The following ME2 variants were observed in gnomAD, a reference collection of about 807,000 sequenced individuals.
ME2 encodes malic enzyme 2, also known as NAD-dependent malic enzyme, mitochondrial.
In ME2, 60 loss-of-function variants were observed where a neutral mutation model predicts 73.7. The observed-to-expected ratio is 0.81, with a 90% CI of 0.66 to 1.01. The LOEUF (loss-of-function observed/expected upper bound fraction) is 1.01, where lower values mean the gene tolerates loss of function less well. Ranked by LOEUF, ME2 falls within the 50% of genes least tolerant of loss-of-function variation. The pLI, the probability that ME2 is intolerant of heterozygous loss-of-function variation, is 0.00. For missense variants in ME2, 594 were observed against 705.5 expected (o/e 0.84, Z 1.79); for synonymous variants, 199 against 236.9 (o/e 0.84, Z 1.47).
intron 13 of ME2, among the ~76,000 whole-genome samples, chr18:50,938,538 C>A (rs1296155305): frequency 6.6e-6 from 1 of 152,106 alleles, no homozygotes; most frequent in African/African-American, 2.4e-5. Flanking sequence ...AAGAAGTAAA[C>A]AAACACATTT....
intron 12 of ME2, among the ~76,000 whole-genome samples, chr18:50,930,006 A>G (rs1487964318): frequency 6.6e-6 from 1 of 152,204 alleles, no homozygotes; most frequent in Admixed American, 6.5e-5. Context: ...CTAGTTTGAT[A>G]TACTATATTT....
chr18:50,940,478 AGAAGGCT>A (rs1917921630), intron 15 of ME2, 92 bp downstream of exon 15: 2 of 878,960 alleles, frequency 2.3e-6, no homozygotes, highest in Non-Finnish European at 3.5e-6. Flanking sequence ...TGAAACATTT[AGAAGGCT>A]GCAAAGAAGA....
chr18:50,921,184 T>G lies in ME2; in HGVS notation c.1053T>G (p.Val351=), dbSNP rs749532844. The G allele has an allele frequency of 1.2e-5, 18 of 1,481,320 alleles. No homozygotes were observed. In the African/African-American group the frequency reaches 2.1e-4, roughly 18 times the overall value. The allele number at this position is 1,481,320 out of a possible 1,614,324, so 91.8% of individuals were successfully genotyped here. The change falls in exon 10 of 16, where the codon GTT becomes GTG. Residue 351 remains valine (V), a synonymous_variant. Coordinates refer to ENST00000321341, the MANE Select transcript of ME2 (RefSeq NM_002396.5). The stretch of plus-strand genomic sequence containing the variant: ...TGTTTGACAAGTATGGTTTATTAGT[T>G]AAGGTAAGGTATTTAAAATTTGGAG... ...IWMFDKYGLL[V]KGRKAKIDSY...
intron 7 of ME2, among the ~76,000 whole-genome samples, chr18:50,919,379 T>C (rs763635307): frequency 2.0e-5 from 3 of 152,216 alleles, no homozygotes; most frequent in Non-Finnish European, 4.4e-5. Flanking sequence ...ATTTAAACAT[T>C]AATTCCTTTT....
intron 1 of ME2, among the ~76,000 whole-genome samples, chr18:50,890,114 A>G (rs2144187276): frequency 6.6e-6 from 1 of 152,294 alleles, no homozygotes; most frequent in African/African-American, 2.4e-5. Flanking sequence ...CATTTTCCAA[A>G]AAAAAATCAA....
chr18:50,938,002 A>T (rs535717202), intron 13 of ME2, among the ~76,000 whole-genome samples: 14 of 152,294 alleles, frequency 9.2e-5, no homozygotes, highest in African/African-American at 2.9e-4. Context: ...ATCAAGGCAC[A>T]GTGTTATGAA....
intron 5 of ME2, 121 bp from the exon 6 acceptor site, chr18:50,917,226 A>T: frequency 1.3e-6 from 1 of 759,898 alleles, no homozygotes; most frequent in Non-Finnish European, 2.0e-6. Flanking sequence ...TTAGCCAAGA[A>T]ACAATTTTAT....
rs1918108374 is a variant in ME2, at chr18:50,947,283, G to T, written c.*99G>T. ...AGTTTTATGGTGTTTTCTGTGTTTT[G>T]TTCTCCCTGACCACTTTGGTTGATG... On this transcript the variant is annotated 3_prime_UTR_variant, in exon 16 of 16. Transcript: ENST00000321341. The T allele has an allele frequency of 7.8e-7, 1 of 1,279,236 alleles. No individual in the cohort carries two copies. The highest frequency in any genetic ancestry group is 1.1e-6 in the Non-Finnish European group (1 of 917,810). The allele number at this position is 1,279,236 out of a possible 1,614,324, so 79.2% of individuals were successfully genotyped here.
chr18:50,912,314 TATA>T (rs1353525165), intron 3 of ME2, among the ~76,000 whole-genome samples: 1 of 152,212 alleles, frequency 6.6e-6, no homozygotes, highest in Non-Finnish European at 1.5e-5. Context: ...GTGTAGACCT[TATA>T]ATACTTCTAA....
chr18:50,908,023 G>A (rs1321491224), intron 2 of ME2, 40 bp from the exon 3 acceptor site: 2 of 1,373,828 alleles, frequency 1.5e-6, no homozygotes, highest in Non-Finnish European at 2.0e-6. Flanking sequence ...TGCTACCCCA[G>A]TAAGTAATAA....
Position 50,917,466 on chromosome 18 carries a change from T to C in ME2, c.588T>C (p.Asp196=). 6.2e-7 allele frequency: 1 copy of C among 1,613,420 alleles called. No individual in the cohort carries two copies. The highest frequency in any genetic ancestry group is 8.5e-7 in the Non-Finnish European group (1 of 1,179,464). The change falls in exon 6 of 16, where the codon GAT becomes GAC. Residue 196 remains aspartate (D), a synonymous_variant. Coordinates refer to ENST00000321341, the MANE Select transcript of ME2 (RefSeq NM_002396.5). ...CAGCTTGTGCAGGAATACGGCCTGA[T>C]AGATGCCTGCCAGTGTGTATTGATG... ...LYTACAGIRP[D]RCLPVCIDVG...
chr18:50,932,468 T>C, intron 13 of ME2, 108 bp downstream of exon 13: 1 of 736,536 alleles, frequency 1.4e-6, no homozygotes, highest in Non-Finnish European at 2.1e-6. Context: ...ATTACAGAAT[T>C]TTGGTATAAA....
intron 1 of ME2, among the ~76,000 whole-genome samples, chr18:50,895,443 C>T (rs1047379203): frequency 2.9e-4 from 44 of 152,162 alleles, no homozygotes; most frequent in African/African-American, 1.0e-3. Context: ...ACTTTTCCAC[C>T]TTCAAGCTAA....
chr18:50,907,557 T>A (rs1194322806), intron 2 of ME2, among the ~76,000 whole-genome samples: 3 of 152,222 alleles, frequency 2.0e-5, no homozygotes, highest in Admixed American at 2.0e-4. Flanking sequence ...AAAGATTTTC[T>A]TATGACATAG....
chr18:50,918,055 GT>G (rs1568168029), intron 6 of ME2, 54 bp from the exon 7 acceptor site: 1 of 1,120,738 alleles, frequency 8.9e-7, no homozygotes. Flanking sequence ...TTTATTGTAT[GT>G]GTTTAAACTG....
At chr18:50,941,261 CAA>C (rs35785739) in intron 15 of ME2, among the ~76,000 whole-genome samples, 13,508 of 89,212 alleles carry the variant, frequency 0.15, 1,231 homozygotes, top group African/African-American at 0.34. Flanking sequence ...AACTCCATCT[CAA>C]AAAAAAAAAA....
chr18:50,893,134 A>AC (rs1916646252), intron 1 of ME2, among the ~76,000 whole-genome samples: 1 of 50,304 alleles, frequency 2.0e-5, no homozygotes, highest in Admixed American at 3.5e-4. Flanking sequence ...CAAAAAAAAA[A>AC]AAAAAAAAAA....
At chr18:50,920,108 G>A (rs1444094668) in intron 7 of ME2, among the ~76,000 whole-genome samples, 1 of 151,982 alleles carries the variant, frequency 6.6e-6, no homozygotes, top group African/African-American at 2.4e-5. Flanking sequence ...ACTTTCTTGT[G>A]TTGCTGTTTA....
chr18:50,944,084 T>C (rs1918026787), intron 15 of ME2, among the ~76,000 whole-genome samples: 1 of 152,020 alleles, frequency 6.6e-6, no homozygotes, highest in Non-Finnish European at 1.5e-5. Context: ...CACAGTGATA[T>C]GTGCCTGTAG....
Sources: allele counts gnomAD v4.1 joint callset (sites outside exome capture counted in the v4.1 genomes callset), GRCh38; gene constraint gnomAD v4.1.1; transcripts MANE v1.5; gene names NCBI Gene and HGNC (gene_info 2026-07-23, HGNC 2026-07-21).